The following PCDHGA2 variants were observed in gnomAD, a reference collection of about 807,000 sequenced individuals.
PCDHGA2 encodes the protein protocadherin gamma-A2.
A neutral mutation model predicts 59.2 loss-of-function variants in PCDHGA2; 40 were observed. The observed-to-expected ratio is 0.68, with a 90% CI of 0.52 to 0.88. The LOEUF (loss-of-function observed/expected upper bound fraction) is 0.88. PCDHGA2 is among the 40% of genes least tolerant of loss of function. The probability of loss-of-function intolerance (pLI) is 0.00; values close to 1 mark genes in which losing one functional copy is unlikely to be tolerated. For missense variants in PCDHGA2, 1,226 were observed against 1,204.0 expected, an observed-to-expected ratio of 1.02 and a Z score of -0.27; for synonymous variants, 560 against 526.0, an observed-to-expected ratio of 1.06 and a Z score of -0.89.
intron 1 of PCDHGA2, among the ~76,000 whole-genome samples, chr5:141,468,130 G>C (rs1312004369): frequency 6.6e-6 from 1 of 151,878 alleles, no homozygotes; most frequent in Admixed American, 6.6e-5. Context: ...TTTGAGACCA[G>C]CCTGGCCAAC....
chr5:141,355,731 C>T, intron 1 of PCDHGA2: 1 of 1,614,004 alleles, frequency 6.2e-7, no homozygotes, highest in Non-Finnish European at 8.5e-7. Context: ...CAAACGGTTA[C>T]TTTTCCCTGG....
At chr5:141,393,542 T>A in intron 1 of PCDHGA2, 3 of 1,613,964 alleles carry the variant, frequency 1.9e-6, no homozygotes, top group Non-Finnish European at 2.5e-6. Flanking sequence ...CGGTTTTTCC[T>A]CACCCGATTT....
At chr5:141,412,561 T>G (rs1183372771) in intron 1 of PCDHGA2, 3 of 152,184 alleles carry the variant, frequency 2.0e-5, no homozygotes, top group Admixed American at 6.5e-5. Context: ...TCTCATGAGT[T>G]TATTTAATAT....
At chr5:141,341,597 A>G (rs774902929) in intron 1 of PCDHGA2, 86 of 1,052,142 alleles carry the variant, frequency 8.2e-5, no homozygotes, top group Non-Finnish European at 1.1e-4. Context: ...TCTTTGTGCA[A>G]TGAATGTAAA....
intron 1 of PCDHGA2, among the ~76,000 whole-genome samples, chr5:141,406,273 G>C (rs1366399912): frequency 6.6e-6 from 1 of 151,898 alleles, no homozygotes; most frequent in Non-Finnish European, 1.5e-5. Context: ...TCCTGCTTCA[G>C]TTTCCCAAAG....
In PCDHGA2 at chr5:141,338,993, C is replaced by T. The variant is rs753861698; in HGVS notation, c.22C>T (p.Pro8Ser). Reference protein sequence around the residue: MAALQKLPHCRKLVLLCF... With the variant: MAALQKLSHCRKLVLLCF... ...GGAAATGGCGGCTCTGCAAAAGTTGCCACACTGCAGAAAGCTGGTCCTGCT... is the reference window on the plus strand; with the variant it reads ...GGAAATGGCGGCTCTGCAAAAGTTGTCACACTGCAGAAAGCTGGTCCTGCT... The change falls in exon 1 of 4, where the codon CCA becomes TCA. Residue 8 changes from proline to serine, a missense_variant. Physicochemically the swap from Pro to Ser is moderately conservative, Grantham distance 74. Coordinates refer to ENST00000394576, the MANE Select transcript of PCDHGA2 (RefSeq NM_018915.4). 2.6e-6 allele frequency: 4 copies of T among 1,545,694 alleles called. No homozygotes were observed. The highest frequency in any genetic ancestry group is 2.3e-5 in the East Asian group (1 of 43,980).
intron 3 of PCDHGA2, among the ~76,000 whole-genome samples, chr5:141,509,781 T>TCATC (rs1198131164): frequency 6.6e-6 from 1 of 152,116 alleles, no homozygotes; most frequent in Non-Finnish European, 1.5e-5. Flanking sequence ...GTCCCCGAGA[T>TCATC]CATCATCTCC....
chr5:141,447,058 G>A (rs1356080567), intron 1 of PCDHGA2, among the ~76,000 whole-genome samples: 1 of 152,068 alleles, frequency 6.6e-6, no homozygotes, highest in Non-Finnish European at 1.5e-5. Flanking sequence ...ATTAAAATGT[G>A]TCAGGCTGTT....
intron 1 of PCDHGA2, chr5:141,389,633 C>T: frequency 1.2e-6 from 2 of 1,613,016 alleles, no homozygotes; most frequent in Non-Finnish European, 1.7e-6. Flanking sequence ...CAGAGCCTGG[C>T]TACTTGGTGA....
At chr5:141,482,089 CAA>C (rs36035257) in intron 1 of PCDHGA2, among the ~76,000 whole-genome samples, 9,071 of 134,384 alleles carry the variant, frequency 0.068, 318 homozygotes, top group South Asian at 0.13. Context: ...CACTCCATCT[CAA>C]AAAAAAAAAA....
rs57426385 is a variant in PCDHGA2 at position 141,415,740 on chromosome 5, G to GTTTTTTTTTTTTTT, written c.2424+74364_2424+74377dup. 1.9e-4 allele frequency: 117 copies of GTTTTTTTTTTTTTT among 625,018 alleles called. 7 individuals are homozygous for GTTTTTTTTTTTTTT. Among genetic ancestry groups the GTTTTTTTTTTTTTT allele is most frequent in the African/African-American group, 5.0e-4 (20 of 39,930 alleles). 38.7% of individuals were successfully genotyped at this position (625,018 alleles called of 1,614,324 possible). A position where few individuals can be genotyped will look rare whatever the true frequency, so the allele number is the denominator to read the frequency against. On this transcript the variant is annotated intron_variant, in intron 1 of 3. Coordinates refer to ENST00000394576, the MANE Select transcript of PCDHGA2 (RefSeq NM_018915.4). ...TGAGTAGAATTTGATGTTTATTAAGGTTTTTTTTTTTTTTTTTTTTTTTTT... is the reference window on the plus strand; with the variant it reads ...TGAGTAGAATTTGATGTTTATTAAGGTTTTTTTTTTTTTTTTTTTTTTTTTTTTTTTTTTTTTTT...
chr5:141,351,086 T>C (rs1440680025), intron 1 of PCDHGA2: 4 of 1,613,922 alleles, frequency 2.5e-6, no homozygotes, highest in African/African-American at 2.7e-5. Context: ...AGAGATCACC[T>C]ATGCCTTCCT....
intron 1 of PCDHGA2, chr5:141,398,797 G>C (rs1338071296): frequency 1.2e-6 from 2 of 1,613,898 alleles, no homozygotes; most frequent in Non-Finnish European, 1.7e-6. Flanking sequence ...ACCCCTAAGC[G>C]GCACCACTGA....
intron 1 of PCDHGA2, among the ~76,000 whole-genome samples, chr5:141,454,796 A>ATTTTTTTTTTT (rs61612330): frequency 0.014 from 1,093 of 77,476 alleles, 165 homozygotes; most frequent in African/African-American, 0.018. Flanking sequence ...CATGGTTCTA[A>ATTTTTTTTTTT]TTTTTTTTTT....
chr5:141,339,256 C>G lies in PCDHGA2; in HGVS notation c.285C>G (p.Leu95=). The G allele has an allele frequency of 6.2e-7, 1 of 1,614,252 alleles. No individual in the cohort carries two copies. The highest frequency in any genetic ancestry group is 8.5e-7 in the Non-Finnish European group (1 of 1,180,022). Residue 95 remains leucine, a synonymous_variant, in exon 1 of 4, where the codon CTC becomes CTG. Coordinates refer to ENST00000394576, the MANE Select transcript of PCDHGA2 (RefSeq NM_018915.4). The part of the protein sequence containing the change: ...VTANRIDREE[L]CAQSAPCLLN... ...CGAACAGGATAGACCGGGAGGAGCT[C>G]TGCGCTCAGAGCGCACCCTGTCTGT...
chr5:141,374,565 A>C, intron 1 of PCDHGA2: 1 of 1,613,688 alleles, frequency 6.2e-7, no homozygotes, highest in Non-Finnish European at 8.5e-7. Context: ...TATGACCCTG[A>C]TGTGGGAATG....
intron 1 of PCDHGA2, among the ~76,000 whole-genome samples, chr5:141,462,448 G>A (rs1435453503): frequency 6.6e-6 from 1 of 152,022 alleles, no homozygotes; most frequent in Non-Finnish European, 1.5e-5. Context: ...ACACAACTGT[G>A]TAACTGAAAA....
At chr5:141,392,303 A>G (rs2092505903) in intron 1 of PCDHGA2, 1 of 151,852 alleles carries the variant, frequency 6.6e-6, no homozygotes, top group South Asian at 2.1e-4. Context: ...TGAAAGTATC[A>G]TGTTTTTTTT....
At chr5:141,354,996 G>A in intron 1 of PCDHGA2, 1 of 699,244 alleles carries the variant, frequency 1.4e-6, no homozygotes, top group Non-Finnish European at 2.1e-6. Context: ...CAATCAGGGG[G>A]AAAAGACAAA....
Sources: allele counts gnomAD v4.1 joint callset (sites outside exome capture counted in the v4.1 genomes callset), GRCh38; gene constraint gnomAD v4.1.1; transcripts MANE v1.5; gene names NCBI Gene and HGNC (gene_info 2026-07-23, HGNC 2026-07-21).